PIK3CD: variants seen among roughly 807,000 people sequenced by gnomAD.
PIK3CD encodes the protein phosphatidylinositol 4,5-bisphosphate 3-kinase catalytic subunit delta isoform.
PIK3CD carries 20 observed loss-of-function variants against 122.9 expected under a neutral mutation model. The ratio of observed to expected loss-of-function variants is 0.16; its 90% CI spans 0.11 to 0.24. PIK3CD has a LOEUF of 0.24. Among genes scored for constraint, PIK3CD ranks in the 10% least tolerant of loss-of-function variants. The probability of loss-of-function intolerance (pLI) is 1.00; values close to 1 mark genes in which losing one functional copy is unlikely to be tolerated. For synonymous variants in PIK3CD, 596 were observed against 593.4 expected (o/e 1.00, Z -0.06); for missense variants, 787 against 1,406.3 (o/e 0.56, Z 7.04).
intron 1 of PIK3CD, among the ~76,000 whole-genome samples, chr1:9,683,809 G>T (rs1241090361): frequency 1.3e-5 from 2 of 152,148 alleles, no homozygotes; most frequent in African/African-American, 2.4e-5. Context: ...TCTGGAGTCA[G>T]CTGGGAAGAC....
rs1227055144 is a variant in PIK3CD at position 9,727,240 on chromosome 1, G to A, written c.*194G>A. 5.6e-5 allele frequency: 38 copies of A among 676,016 alleles called. No individual in the cohort carries two copies. The Admixed American group carries it at 7.6e-4, about 14-fold the overall frequency. 41.9% of individuals were successfully genotyped at this position (676,016 alleles called of 1,614,324 possible). ...GAGCTAAACAGCCATAAACGGAAAC[G>A]CCTCCTTCATGCAGCGGCGGTGCTG... On this transcript the variant is annotated 3_prime_UTR_variant, in exon 24 of 24. Transcript: ENST00000377346.
intron 3 of PIK3CD, among the ~76,000 whole-genome samples, chr1:9,714,613 T>C (rs1329115053): frequency 3.3e-5 from 5 of 152,268 alleles, no homozygotes; most frequent in Non-Finnish European, 5.9e-5. Context: ...GCCGGGCACA[T>C]AGAGCTGCTT....
intron 2 of PIK3CD, among the ~76,000 whole-genome samples, chr1:9,697,660 G>C (rs1294127858): frequency 1.3e-5 from 2 of 150,882 alleles, no homozygotes; most frequent in Non-Finnish European, 3.0e-5. Context: ...TTGAGCTCAG[G>C]AGTTCAAGGC....
intron 1 of PIK3CD, among the ~76,000 whole-genome samples, chr1:9,677,995 T>A (rs1386475765): frequency 6.6e-6 from 1 of 151,880 alleles, no homozygotes; most frequent in Admixed American, 6.6e-5. Context: ...AAATACTAAA[T>A]TAGCTGGGTG....
intron 1 of PIK3CD, among the ~76,000 whole-genome samples, chr1:9,669,713 G>A (rs1645266320): frequency 6.6e-6 from 1 of 152,070 alleles, no homozygotes; most frequent in African/African-American, 2.4e-5. Context: ...CAAACAGGGT[G>A]TGCTTGATGC....
At chr1:9,706,547 T>C (rs1277188323) in intron 2 of PIK3CD, among the ~76,000 whole-genome samples, 1 of 152,070 alleles carries the variant, frequency 6.6e-6, no homozygotes, top group Non-Finnish European at 1.5e-5. Flanking sequence ...CACCTGTAGA[T>C]TGGATAAAAT....
At chr1:9,641,173 C>A in the PIK3CD span, among the ~76,000 whole-genome samples, 1 of 152,202 alleles carries the variant, frequency 6.6e-6, no homozygotes, top group African/African-American at 2.4e-5. Context: ...TTGTCCAGTG[C>A]TGCATCTCCA....
At position 9,716,015 on chromosome 1, in the gene PIK3CD, G is replaced by T. The variant is rs1274566720; in HGVS notation, c.537G>T (p.Gly179=). ...TGGAGCCCTCGGCTCAAACCTGGGGGCCTGGTACCCTGCGGCTCCCGAACC... is the reference window on the plus strand; with the variant it reads ...TGGAGCCCTCGGCTCAAACCTGGGGTCCTGGTACCCTGCGGCTCCCGAACC... ...LQLEPSAQTW[G]PGTLRLPNRA... Residue 179 remains glycine, a synonymous_variant, in exon 5 of 24, where the codon GGG becomes GGT. Transcript: ENST00000377346. The T allele has an allele frequency of 1.2e-6, 2 of 1,612,588 alleles. No individual in the cohort carries two copies. Among genetic ancestry groups the T allele is most frequent in the South Asian group, 2.2e-5 (2 of 91,078 alleles).
In PIK3CD at chr1:9,722,085, G is replaced by A. The variant is rs759958172; in HGVS notation, c.2166G>A (p.Glu722=). ...TGATGCACTTGTGCATGCGGCAGGA[G>A]GCCTACCTAGAGGCCCTCTCCCACC... ...KELMHLCMRQ[E]AYLEALSHLQ... Residue 722 remains glutamate, a synonymous_variant, in exon 17 of 24, where the codon GAG becomes GAA. Coordinates refer to ENST00000377346, the MANE Select transcript of PIK3CD (RefSeq NM_005026.5). This position sits in a 1 kb window ranked among gnomAD's most constrained non-coding sequence, Gnocchi z 7.6. The A allele has an allele frequency of 4.3e-6, 7 of 1,613,480 alleles. No individual in the cohort carries two copies. In the East Asian group the frequency reaches 1.6e-4, roughly 36 times the overall value.
chr1:9,636,101 C>T, the PIK3CD span, among the ~76,000 whole-genome samples: 1 of 152,126 alleles, frequency 6.6e-6, no homozygotes, highest in Non-Finnish European at 1.5e-5. Context: ...CATTTGAAGC[C>T]CCACCTCTCT....
chr1:9,633,562 G>A, the PIK3CD span, among the ~76,000 whole-genome samples: 2 of 152,130 alleles, frequency 1.3e-5, no homozygotes, highest in Non-Finnish European at 2.9e-5. Context: ...ACCTGCCTCA[G>A]CCTCCCAAAG....
rs751516265 is a variant in PIK3CD at position 9,724,134 on chromosome 1, TCTGGCCCCAGCCTG to T, written c.2718+51_2718+64del. On this transcript the variant is annotated intron_variant, in intron 21 of 23. Transcript: ENST00000377346. The surrounding 1 kb of genome is among the most constrained non-coding windows in gnomAD (Gnocchi z 7.3). ...TGGCGGCTGCTGTGGGGACTTGGCT[TCTGGCCCCAGCCTG>T]CTGGCCCCTCTGCCTAGCACACAGC... 3 of 1,613,776 alleles carry T rather than the reference TCTGGCCCCAGCCTG, an allele frequency of 1.9e-6. No individual in the cohort carries two copies. The highest frequency in any genetic ancestry group is 3.3e-5 in the Admixed American group (2 of 59,988).
chr1:9,634,256 C>A, the PIK3CD span, among the ~76,000 whole-genome samples: 1 of 149,772 alleles, frequency 6.7e-6, no homozygotes, highest in African/African-American at 2.5e-5. Flanking sequence ...CAGGTTCAAG[C>A]GATTCTCCTC....
the PIK3CD span, among the ~76,000 whole-genome samples, chr1:9,638,081 T>G: frequency 6.6e-6 from 1 of 151,934 alleles, no homozygotes; most frequent in Non-Finnish European, 1.5e-5. Context: ...TACTCCAGCC[T>G]GGGCAACAGA....
At chr1:9,657,321 C>G (rs1245872347) in intron 1 of PIK3CD, among the ~76,000 whole-genome samples, 1 of 152,144 alleles carries the variant, frequency 6.6e-6, no homozygotes, top group African/African-American at 2.4e-5. Context: ...GGGGTTAAGA[C>G]CTATCTTTGT....
chr1:9,719,827 T>G lies in PIK3CD; in HGVS notation c.1243-94T>G. The G allele has an allele frequency of 1.0e-6, 1 of 992,430 alleles. No individual in the cohort carries two copies. Among genetic ancestry groups the G allele is most frequent in the South Asian group, 1.3e-5 (1 of 78,388 alleles). The allele number at this position is 992,430 out of a possible 1,614,324, so 61.5% of individuals were successfully genotyped here. A position where few individuals can be genotyped will look rare whatever the true frequency, so the allele number is the denominator to read the frequency against. ...TGGTTGGGAGATGTTAGCTGGGCTC[T>G]GGGTCTTCTCGGGTGGGGTGCCTGG... is the stretch of plus-strand genomic sequence containing the variant. On this transcript the variant is annotated intron_variant, in intron 9 of 23. Coordinates refer to ENST00000377346, the MANE Select transcript of PIK3CD (RefSeq NM_005026.5). This position sits in a 1 kb window ranked among gnomAD's most constrained non-coding sequence, Gnocchi z 5.5.
the PIK3CD span, among the ~76,000 whole-genome samples, chr1:9,633,335 G>A: frequency 2.0e-5 from 3 of 151,408 alleles, no homozygotes; most frequent in Non-Finnish European, 4.4e-5. Flanking sequence ...AATAATCAAT[G>A]TCGCTCTTGT....
intron 6 of PIK3CD, 121 bp downstream of exon 6, chr1:9,716,740 C>T (rs1265388097): frequency 8.3e-7 from 1 of 1,202,974 alleles, no homozygotes; most frequent in Non-Finnish European, 1.2e-6. Flanking sequence ...CTTTGGGTCA[C>T]CGCCAGAGCA....
chr1:9,648,520 C>G (rs543001451), upstream of PIK3CD, among the ~76,000 whole-genome samples: 2 of 152,188 alleles, frequency 1.3e-5, no homozygotes, highest in Non-Finnish European at 2.9e-5. Flanking sequence ...CGGGCCGCTC[C>G]CTCAGGACAG....
Sources: gnomAD v4.1 joint callset for allele counts (sites outside exome capture counted in the v4.1 genomes callset) on GRCh38, gnomAD v4.1.1 for gene constraint, Gnocchi (gnomAD v3.1) non-coding constraint, MANE v1.5 for transcripts, NCBI Gene and HGNC (gene_info 2026-07-23, HGNC 2026-07-21) for gene names.